Variants in TSNARE1 observed in about 807,000 individuals in gnomAD.
TSNARE1 encodes the protein t-SNARE domain containing 1, also known as t-SNARE domain-containing protein 1.
In TSNARE1, 49 loss-of-function variants were observed where a neutral mutation model predicts 62.0. That is an observed-to-expected ratio of 0.79 (90% CI 0.63 to 1.00). The LOEUF is 1.00. TSNARE1 is among the 50% of genes least tolerant of loss of function. TSNARE1 has a pLI of 0.00. For missense variants in TSNARE1, 755 were observed against 700.1 expected (o/e 1.08, Z -0.88); for synonymous variants, 328 against 294.4 (o/e 1.11, Z -1.17).
chr8:142,317,564 G>A (rs910302795), intron 7 of TSNARE1, among the ~76,000 whole-genome samples: 1 of 152,224 alleles, frequency 6.6e-6, no homozygotes, highest in African/African-American at 2.4e-5. Flanking sequence ...TAAAATCTTA[G>A]GGTTCAGCAG....
intron 10 of TSNARE1, among the ~76,000 whole-genome samples, chr8:142,292,254 CT>C (rs1372368994): frequency 1.3e-5 from 2 of 152,184 alleles, no homozygotes; most frequent in Non-Finnish European, 2.9e-5. Context: ...GGAAAGCAGT[CT>C]CAGCTTTGCC....
chr8:142,283,859 T>C (rs1159719032), intron 11 of TSNARE1, among the ~76,000 whole-genome samples: 2 of 139,716 alleles, frequency 1.4e-5, no homozygotes, highest in African/African-American at 5.1e-5. Context: ...TTAGTGTCTG[T>C]CAACGAGCAG....
At chr8:142,274,214 T>C (rs1356994448) in intron 12 of TSNARE1, 1 of 985,316 alleles carries the variant, frequency 1.0e-6, no homozygotes, top group Non-Finnish European at 1.2e-6. Flanking sequence ...AGACAGCGGC[T>C]GGGCCTCCAT....
chr8:142,344,688 A>G (rs1430874901), intron 3 of TSNARE1, among the ~76,000 whole-genome samples: 4 of 152,192 alleles, frequency 2.6e-5, no homozygotes, highest in Non-Finnish European at 5.9e-5. Flanking sequence ...GCAAGCACGT[A>G]GCTTCTGGGT....
chr8:142,325,728 CGG>C (rs1028952776), intron 6 of TSNARE1, among the ~76,000 whole-genome samples: 2 of 152,098 alleles, frequency 1.3e-5, no homozygotes, highest in Admixed American at 1.3e-4. Context: ...TTCCGAGCTG[CGG>C]GATATGCAAC....
intron 1 of TSNARE1, among the ~76,000 whole-genome samples, chr8:142,381,106 T>C (rs1391755572): frequency 6.6e-6 from 1 of 152,242 alleles, no homozygotes; most frequent in East Asian, 1.9e-4. Context: ...GGCCTTGCCC[T>C]GGCCCAACTG....
At chr8:142,357,926 G>A (rs555047383) in intron 1 of TSNARE1, among the ~76,000 whole-genome samples, 2 of 151,728 alleles carry the variant, frequency 1.3e-5, no homozygotes, top group East Asian at 1.9e-4. Context: ...AGGAGGGGGC[G>A]GCCAGCGGCC....
intron 12 of TSNARE1, among the ~76,000 whole-genome samples, chr8:142,240,475 A>T (rs1214716687): frequency 6.6e-6 from 1 of 151,994 alleles, no homozygotes; most frequent in Non-Finnish European, 1.5e-5. Flanking sequence ...CCGAGATCTG[A>T]ACTACAAAGT....
rs1426700678 is a variant in TSNARE1 at position 142,291,255 on chromosome 8, G to A, written c.1291-6770C>T. 1.4e-4 allele frequency among the ~76,000 whole-genome samples: 22 copies of A among 151,788 alleles called. No individual in the cohort carries two copies. The highest frequency in any genetic ancestry group is 1.2e-3 in the Admixed American group (19 of 15,248). On this transcript the variant is annotated intron_variant, in intron 10 of 13. Coordinates refer to ENST00000524325, the MANE Select transcript of TSNARE1 (RefSeq NM_145003.5). The surrounding 1 kb of genome is among the most constrained non-coding windows in gnomAD (Gnocchi z 4.8). ...GCAAAAGTCGGCTCTCCAGCATCGCGGTGAGGATGGCCTTGTGCTGGAGTA... is the reference window on the plus strand; with the variant it reads ...GCAAAAGTCGGCTCTCCAGCATCGCAGTGAGGATGGCCTTGTGCTGGAGTA...
At chr8:142,318,733 T>G in intron 6 of TSNARE1, 99 bp from the exon 7 acceptor site, 3 of 1,082,102 alleles carry the variant, frequency 2.8e-6, no homozygotes, top group African/African-American at 3.2e-5. Flanking sequence ...ACGGGCCGAG[T>G]GGGGGAGACA....
intron 12 of TSNARE1, among the ~76,000 whole-genome samples, chr8:142,243,634 G>A (rs139766828): frequency 5.3e-5 from 8 of 152,220 alleles, no homozygotes; most frequent in African/African-American, 1.9e-4. Flanking sequence ...TGGGTTAAAC[G>A]GTACAAGGTT....
intron 8 of TSNARE1, 150 bp downstream of exon 8, chr8:142,314,853 G>A: frequency 2.7e-6 from 2 of 741,576 alleles, no homozygotes; most frequent in Non-Finnish European, 4.6e-6. Context: ...TGGCTGCCTA[G>A]AGACTGTCTG....
chr8:142,233,243 C>T (rs774613703), intron 12 of TSNARE1, among the ~76,000 whole-genome samples: 1 of 152,212 alleles, frequency 6.6e-6, no homozygotes, highest in African/African-American at 2.4e-5. Flanking sequence ...AGGACAGGCC[C>T]GTGAGGCACG....
At chr8:142,221,492 T>C (rs1011135838) in intron 13 of TSNARE1, among the ~76,000 whole-genome samples, 4 of 152,248 alleles carry the variant, frequency 2.6e-5, no homozygotes, top group Non-Finnish European at 4.4e-5. Flanking sequence ...AAATGTTTTG[T>C]GCTTATGAAA....
chr8:142,365,011 A>G (rs1181375918), intron 1 of TSNARE1, among the ~76,000 whole-genome samples: 2 of 152,254 alleles, frequency 1.3e-5, no homozygotes, highest in Admixed American at 6.5e-5. Flanking sequence ...GGATATTTAC[A>G]TAATTGCAAA....
At chr8:142,337,104 T>C (rs1831856265) in intron 4 of TSNARE1, among the ~76,000 whole-genome samples, 1 of 151,842 alleles carries the variant, frequency 6.6e-6, no homozygotes, top group Non-Finnish European at 1.5e-5. Flanking sequence ...AAAGAAATAA[T>C]AAAGGTGAGC....
At chr8:142,375,370 G>A (rs764107193) in intron 1 of TSNARE1, among the ~76,000 whole-genome samples, 4 of 152,242 alleles carry the variant, frequency 2.6e-5, no homozygotes, top group Admixed American at 6.5e-5. Flanking sequence ...GGTGAGGAGC[G>A]CCACACGTGG....
chr8:142,259,906 G>T (rs73366604), intron 12 of TSNARE1, among the ~76,000 whole-genome samples: 6 of 152,162 alleles, frequency 3.9e-5, no homozygotes, highest in Non-Finnish European at 8.8e-5. Context: ...CTGTTGTGGC[G>T]AGGAAATTTG....
At chr8:142,377,455 C>T (rs1462397007) in intron 1 of TSNARE1, among the ~76,000 whole-genome samples, 2 of 152,150 alleles carry the variant, frequency 1.3e-5, no homozygotes, top group African/African-American at 4.8e-5. Context: ...AAGGCTGCTA[C>T]CCTCAATAAA....
Sources: gnomAD v4.1 joint callset for allele counts (sites outside exome capture counted in the v4.1 genomes callset) on GRCh38, gnomAD v4.1.1 for gene constraint, Gnocchi (gnomAD v3.1) non-coding constraint, MANE v1.5 for transcripts, NCBI Gene and HGNC (gene_info 2026-07-23, HGNC 2026-07-21) for gene names.